The following DCC variants were observed in gnomAD, a reference collection of about 807,000 sequenced individuals.
The protein encoded by DCC is DCC netrin 1 receptor.
In DCC, 58 loss-of-function variants were observed where a neutral mutation model predicts 172.5. The ratio of observed to expected loss-of-function variants is 0.34; its 90% CI spans 0.27 to 0.42. DCC has a LOEUF of 0.42. Ranked by LOEUF, DCC falls within the 10% of genes least tolerant of loss-of-function variation. The pLI, the probability that DCC is intolerant of heterozygous loss-of-function variation, is 1.00. For synonymous variants in DCC, 709 were observed against 644.5 expected, an observed-to-expected ratio of 1.10 and a Z score of -1.52; for missense variants, 1,740 against 1,791.0, an observed-to-expected ratio of 0.97 and a Z score of 0.51.
At chr18:53,395,842 C>T (rs1908898176) in intron 17 of DCC, among the ~76,000 whole-genome samples, 1 of 152,034 alleles carries the variant, frequency 6.6e-6, no homozygotes, top group Non-Finnish European at 1.5e-5. Context: ...GGGGTTTCAC[C>T]ATATTGGTCA....
chr18:52,996,434 G>A (rs2041480050), intron 5 of DCC, among the ~76,000 whole-genome samples: 1 of 151,714 alleles, frequency 6.6e-6, no homozygotes, highest in African/African-American at 2.4e-5. Flanking sequence ...ACTGATTTTT[G>A]GATATATTTA....
chr18:53,381,288 T>C (rs1366010433), intron 15 of DCC, among the ~76,000 whole-genome samples: 2 of 152,088 alleles, frequency 1.3e-5, no homozygotes, highest in Admixed American at 1.3e-4. Context: ...CCAGTAATGT[T>C]ACAGAAGCTT....
At chr18:53,390,327 C>A (rs2145005894) in intron 16 of DCC, among the ~76,000 whole-genome samples, 1 of 151,412 alleles carries the variant, frequency 6.6e-6, no homozygotes, top group African/African-American at 2.4e-5. Context: ...AACTAGTAAA[C>A]TACTGAATAA....
At chr18:53,255,116 G>A (rs1256636123) in intron 12 of DCC, among the ~76,000 whole-genome samples, 1 of 151,974 alleles carries the variant, frequency 6.6e-6, no homozygotes, top group Non-Finnish European at 1.5e-5. Flanking sequence ...CAGCTGGGAA[G>A]CATTCACTTC....
At chr18:52,663,969 G>A (rs1032268312) in intron 1 of DCC, among the ~76,000 whole-genome samples, 9 of 151,954 alleles carry the variant, frequency 5.9e-5, no homozygotes, top group Non-Finnish European at 1.5e-5. Flanking sequence ...ATGTTAAAGT[G>A]GAAACATCAC....
Position 52,765,784 on chromosome 18 carries a change from A to G in DCC, c.412+13410A>G, listed in dbSNP as rs112515475. On this transcript the variant is annotated intron_variant, in intron 2 of 28. Transcript: ENST00000442544. ...CACGGTGGTTAGGGACACAGGCTTC[A>G]GAGCTAGTCAGCCTCAGAATCTATC... 6.6e-5 allele frequency among the ~76,000 whole-genome samples: 10 copies of G among 152,318 alleles called. No individual in the cohort carries two copies. In the East Asian group the frequency reaches 1.2e-3, roughly 18 times the overall value.
rs373593875 is a variant in DCC at position 52,994,674 on chromosome 18, C to G, written c.986-68631C>G. 2.6e-5 allele frequency among the ~76,000 whole-genome samples: 4 copies of G among 152,214 alleles called. 1 individual carries two copies. The South Asian group carries it at 8.3e-4, about 32-fold the overall frequency. On this transcript the variant is annotated intron_variant, in intron 5 of 28. Coordinates refer to ENST00000442544, the MANE Select transcript of DCC (RefSeq NM_005215.4). Reference sequence around the variant, plus strand: ...TGTTTTAATTAGCAACCTTTTTTGACTATTCTATTTAATAACAAAGATACT... The same window carrying G: ...TGTTTTAATTAGCAACCTTTTTTGAGTATTCTATTTAATAACAAAGATACT...
intron 12 of DCC, among the ~76,000 whole-genome samples, chr18:53,271,828 C>T (rs904797573): frequency 4.6e-5 from 7 of 152,246 alleles, no homozygotes; most frequent in Non-Finnish European, 4.4e-5. Context: ...TGCCTACCAG[C>T]GTCTCCCCTT....
At chr18:52,641,822 C>T (rs1233450652) in intron 1 of DCC, among the ~76,000 whole-genome samples, 1 of 151,932 alleles carries the variant, frequency 6.6e-6, no homozygotes, top group Non-Finnish European at 1.5e-5. Flanking sequence ...CCTTAAAGAA[C>T]TAAAAGTAGA....
intron 14 of DCC, among the ~76,000 whole-genome samples, chr18:53,334,654 A>G (rs983019582): frequency 2.5e-4 from 38 of 152,164 alleles, no homozygotes; most frequent in Admixed American, 2.0e-3. Context: ...TTCCCTGGGT[A>G]CCTCATAAAA....
chr18:52,492,660 T>C (rs1252356322), intron 1 of DCC, among the ~76,000 whole-genome samples: 1 of 151,968 alleles, frequency 6.6e-6, no homozygotes, highest in East Asian at 1.9e-4. Context: ...AAAGACATAA[T>C]ACTTTGCCAT....
chr18:52,509,074 A>T (rs1249584261), intron 1 of DCC, among the ~76,000 whole-genome samples: 2 of 152,240 alleles, frequency 1.3e-5, no homozygotes, highest in African/African-American at 4.8e-5. Context: ...AGTGTGGAAG[A>T]ACTTGAATAT....
At position 52,340,634 on chromosome 18, in the gene DCC, A is replaced by T. The variant is rs965040495; in HGVS notation, c.-154A>T. 2.7e-5 allele frequency: 20 copies of T among 749,748 alleles called. No individual in the cohort carries two copies. Among genetic ancestry groups the T allele is most frequent in the Admixed American group, 2.6e-4 (15 of 56,840 alleles). 46.4% of individuals were successfully genotyped at this position (749,748 alleles called of 1,614,324 possible). On this transcript the variant is annotated 5_prime_UTR_variant, in exon 1 of 29. Transcript: ENST00000442544. ...TTCGAAGGCAGCAGAGGCGCAGGGG[A>T]GGTGGAGAAAGAGGTGGAGGAAGAG...
At chr18:52,445,072 A>G (rs1212826978) in intron 1 of DCC, among the ~76,000 whole-genome samples, 1 of 152,148 alleles carries the variant, frequency 6.6e-6, no homozygotes, top group African/African-American at 2.4e-5. Context: ...GGAAACAAAC[A>G]CAGGAGCTAT....
chr18:52,663,561 C>T (rs1343535391), intron 1 of DCC, among the ~76,000 whole-genome samples: 1 of 152,054 alleles, frequency 6.6e-6, no homozygotes, highest in Non-Finnish European at 1.5e-5. Flanking sequence ...AAATATTCAC[C>T]CTAGCTAAAA....
At chr18:53,258,764 C>T (rs1008007465) in intron 12 of DCC, among the ~76,000 whole-genome samples, 9 of 152,136 alleles carry the variant, frequency 5.9e-5, no homozygotes. Flanking sequence ...TCCTGGATAT[C>T]CTTTTTAACT....
intron 5 of DCC, among the ~76,000 whole-genome samples, chr18:53,044,383 A>G (rs956809434): frequency 6.6e-6 from 1 of 151,894 alleles, no homozygotes; most frequent in African/African-American, 2.4e-5. Context: ...AGTTTGGTAG[A>G]AGAGAAATGC....
At chr18:52,860,678 A>G (rs2039127347) in intron 2 of DCC, among the ~76,000 whole-genome samples, 1 of 152,236 alleles carries the variant, frequency 6.6e-6, no homozygotes, top group South Asian at 2.1e-4. Flanking sequence ...TAGCAAGAAT[A>G]GTGATTGGCC....
chr18:53,104,781 C>G (rs1242131139), intron 7 of DCC, among the ~76,000 whole-genome samples: 1 of 151,966 alleles, frequency 6.6e-6, no homozygotes, highest in Non-Finnish European at 1.5e-5. Flanking sequence ...CTTCTGACTT[C>G]TGGTTCAGTG....
Sources: allele counts gnomAD v4.1 joint callset (sites outside exome capture counted in the v4.1 genomes callset), GRCh38; gene constraint gnomAD v4.1.1; transcripts MANE v1.5; gene names NCBI Gene and HGNC (gene_info 2026-07-23, HGNC 2026-07-21).